The following DTNA variants were observed in gnomAD, a reference collection of about 807,000 sequenced individuals.
The protein encoded by DTNA is dystrophin-related protein 3.
DTNA carries 43 observed loss-of-function variants against 100.7 expected under a neutral mutation model. The observed-to-expected ratio is 0.43, with a 90% CI of 0.33 to 0.55. The LOEUF is 0.55. DTNA is among the 20% of genes least tolerant of loss of function. The probability of loss-of-function intolerance (pLI) is 0.04; values close to 1 mark genes in which losing one functional copy is unlikely to be tolerated. For synonymous variants in DTNA, 349 were observed against 347.9 expected (o/e 1.00, Z -0.04); for missense variants, 798 against 953.9 (o/e 0.84, Z 2.15).
chr18:34,862,803 A>G (rs1487666705), intron 16 of DTNA, among the ~76,000 whole-genome samples: 1 of 152,164 alleles, frequency 6.6e-6, no homozygotes, highest in East Asian at 1.9e-4. Context: ...TTGTCTCTAA[A>G]AAAAAATAGA....
intron 17 of DTNA, among the ~76,000 whole-genome samples, chr18:34,872,690 C>G (rs2096777288): frequency 6.6e-6 from 1 of 152,320 alleles, no homozygotes; most frequent in African/African-American, 2.4e-5. Context: ...ACATCTTTTC[C>G]ATGATCCAGC....
At chr18:34,753,366 A>ATTTATTTTTTTTTT (rs2092499145) in intron 1 of DTNA, among the ~76,000 whole-genome samples, 1 of 133,150 alleles carries the variant, frequency 7.5e-6, no homozygotes, top group African/African-American at 3.2e-5. Flanking sequence ...TATTTATTTT[A>ATTTATTTTTTTTTT]TTTTTTTTTT....
Position 34,696,956 on chromosome 18 carries a change from C to T in DTNA, c.-1-59020C>T, listed in dbSNP as rs898213446. Among the ~76,000 whole-genome samples the T allele has an allele frequency of 7.9e-5, 12 of 152,256 alleles. No homozygotes were observed. In the East Asian group the frequency reaches 2.3e-3, roughly 29 times the overall value. On this transcript the variant is annotated intron_variant, in intron 1 of 19. Coordinates refer to the DTNA transcript ENST00000283365. ...GGGAACATTTAGCAATATCTGTAGG[C>T]ATTTTTGATTGATGCCTGGGAGTGG...
At position 34,879,109 on chromosome 18, in the gene DTNA, T is replaced by A. The variant is rs767903241; in HGVS notation, c.1994-442T>A. 2.2e-4 allele frequency among the ~76,000 whole-genome samples: 34 copies of A among 152,234 alleles called. 1 individual carries two copies. The highest frequency in any genetic ancestry group is 6.5e-5 in the Admixed American group (1 of 15,288). ...TACTGTTAGTTTATACTCATAATTC[T>A]TTAAAGTATTAAGTGATAGGGTTCA... On this transcript the variant is annotated intron_variant, in intron 19 of 22. Coordinates refer to ENST00000444659, the MANE Select transcript of DTNA (RefSeq NM_001386795.1).
chr18:34,671,440 A>G (rs2076745373), intron 1 of DTNA, among the ~76,000 whole-genome samples: 1 of 152,060 alleles, frequency 6.6e-6, no homozygotes. Flanking sequence ...TGAACCCGGT[A>G]CCTCATTTGG....
chr18:34,665,369 T>A (rs1022757339), intron 1 of DTNA, among the ~76,000 whole-genome samples: 2 of 152,166 alleles, frequency 1.3e-5, no homozygotes, highest in African/African-American at 4.8e-5. Flanking sequence ...AAATTTTTTA[T>A]GAAAACAAGA....
At chr18:34,542,913 T>G (rs1052008801) in intron 1 of DTNA, among the ~76,000 whole-genome samples, 3 of 152,102 alleles carry the variant, frequency 2.0e-5, no homozygotes, top group Non-Finnish European at 4.4e-5. Flanking sequence ...GTCCTCATTT[T>G]TTTTTCTTAT....
intron 1 of DTNA, among the ~76,000 whole-genome samples, chr18:34,576,816 C>G (rs1352845227): frequency 2.0e-5 from 3 of 152,092 alleles, no homozygotes; most frequent in African/African-American, 7.2e-5. Context: ...GTTTATGACT[C>G]ACTCCACCTA....
intron 18 of DTNA, among the ~76,000 whole-genome samples, chr18:34,875,927 G>T (rs1047389683): frequency 6.6e-6 from 1 of 152,110 alleles, no homozygotes; most frequent in East Asian, 1.9e-4. Context: ...AGAGGGATGG[G>T]GATGCCAGCC....
chr18:34,740,705 A>G (rs78377397), intron 1 of DTNA, among the ~76,000 whole-genome samples: 4,079 of 152,070 alleles, frequency 0.027, 167 homozygotes, highest in African/African-American at 0.093. Context: ...CTGAAGCGGG[A>G]GGATAATTTG....
At chr18:34,605,037 G>A (rs2052723462) in intron 1 of DTNA, among the ~76,000 whole-genome samples, 1 of 151,288 alleles carries the variant, frequency 6.6e-6, no homozygotes, top group South Asian at 2.1e-4. Context: ...AAACATCCAA[G>A]TGATAAGTCT....
chr18:34,760,134 T>C (rs935406478), intron 2 of DTNA: 2 of 152,162 alleles, frequency 1.3e-5, no homozygotes, highest in Non-Finnish European at 2.9e-5. Flanking sequence ...AAAAATGACA[T>C]GAATGACCCC....
At chr18:34,527,128 C>A (rs972952073) in intron 1 of DTNA, among the ~76,000 whole-genome samples, 4 of 151,928 alleles carry the variant, frequency 2.6e-5, no homozygotes, top group Non-Finnish European at 4.4e-5. Flanking sequence ...ACCTCCTTTA[C>A]CTCATGTGCA....
At chr18:34,580,955 G>C (rs998709630) in intron 1 of DTNA, among the ~76,000 whole-genome samples, 1 of 152,144 alleles carries the variant, frequency 6.6e-6, no homozygotes, top group Non-Finnish European at 1.5e-5. Flanking sequence ...ACTGTTGAAA[G>C]TGTGTTAAGG....
intron 1 of DTNA, among the ~76,000 whole-genome samples, chr18:34,612,115 A>G (rs1281413198): frequency 6.6e-6 from 1 of 152,172 alleles, no homozygotes; most frequent in Non-Finnish European, 1.5e-5. Flanking sequence ...CAAGGACATC[A>G]CAACATTCCC....
intron 1 of DTNA, among the ~76,000 whole-genome samples, chr18:34,608,658 GAA>G (rs767612335): frequency 6.7e-6 from 1 of 149,194 alleles, no homozygotes; most frequent in Non-Finnish European, 1.5e-5. Flanking sequence ...TCCTTTTTGA[GAA>G]AAAAAAAGTT....
intron 1 of DTNA, among the ~76,000 whole-genome samples, chr18:34,630,816 A>T (rs2057986744): frequency 6.6e-6 from 1 of 152,158 alleles, no homozygotes; most frequent in African/African-American, 2.4e-5. Flanking sequence ...ACTGTCAAAA[A>T]AAAAAGGTAG....
intron 1 of DTNA, among the ~76,000 whole-genome samples, chr18:34,507,499 G>A (rs1378223390): frequency 6.6e-6 from 1 of 152,122 alleles, no homozygotes; most frequent in Admixed American, 6.5e-5. Flanking sequence ...TACTTGGTAG[G>A]TTAAGTACAA....
At chr18:34,763,488 G>C (rs2093306699) in intron 2 of DTNA, among the ~76,000 whole-genome samples, 1 of 152,074 alleles carries the variant, frequency 6.6e-6, no homozygotes, top group South Asian at 2.1e-4. Context: ...CATTTAAATA[G>C]CAAATAGAAA....
Sources: allele counts gnomAD v4.1 joint callset (sites outside exome capture counted in the v4.1 genomes callset), GRCh38; gene constraint gnomAD v4.1.1; transcripts MANE v1.5; gene names NCBI Gene and HGNC (gene_info 2026-07-23, HGNC 2026-07-21).